GRIK4: variants seen among roughly 807,000 people sequenced by gnomAD.
GRIK4 encodes glutamate ionotropic receptor kainate type subunit 4.
Under a neutral mutation model 104.9 loss-of-function variants are expected in GRIK4, and 40 were observed. The ratio of observed to expected loss-of-function variants is 0.38; its 90% CI spans 0.30 to 0.50. The LOEUF (loss-of-function observed/expected upper bound fraction) is 0.50. Among genes scored for constraint, GRIK4 ranks in the 20% least tolerant of loss-of-function variants. GRIK4 has a pLI of 0.93. For synonymous variants in GRIK4, 485 were observed against 524.9 expected, an observed-to-expected ratio of 0.92 and a Z score of 1.04; for missense variants, 1,047 against 1,308.1, an observed-to-expected ratio of 0.80 and a Z score of 3.08.
intron 18 of GRIK4, among the ~76,000 whole-genome samples, chr11:120,965,759 G>A (rs974149344): frequency 1.3e-5 from 2 of 152,210 alleles, no homozygotes; most frequent in African/African-American, 4.8e-5. Context: ...GGGGCTTGTT[G>A]GAAATGCAGA....
chr11:120,523,816 A>G (rs1018712110), intron 1 of GRIK4, among the ~76,000 whole-genome samples: 4 of 151,480 alleles, frequency 2.6e-5, no homozygotes, highest in Non-Finnish European at 5.9e-5. Flanking sequence ...TGGGGCTGGT[A>G]GAGCAAGGTC....
At chr11:120,634,826 G>A (rs558516001) in intron 1 of GRIK4, among the ~76,000 whole-genome samples, 26 of 152,210 alleles carry the variant, frequency 1.7e-4, no homozygotes, top group Non-Finnish European at 2.9e-4. Context: ...GCCAATCTTC[G>A]TGCCCAGCTC....
chr11:120,953,083 C>T lies in GRIK4; in HGVS notation c.1700+119C>T. On this transcript the variant is annotated intron_variant, in intron 15 of 20. Coordinates refer to ENST00000527524, the MANE Select transcript of GRIK4 (RefSeq NM_014619.5). This position sits in a 1 kb window ranked among gnomAD's most constrained non-coding sequence, Gnocchi z 4.9. ...AGGAGGAGTTGGGAAGATCTTGGTG[C>T]CAAACTAGAAGGACAGGAGAAGGAC... 4.4e-6 allele frequency: 3 copies of T among 676,820 alleles called. No homozygotes were observed. The South Asian group carries it at 5.4e-5, about 12-fold the overall frequency. The allele number at this position is 676,820 out of a possible 1,614,324, so 41.9% of individuals were successfully genotyped here. A position where few individuals can be genotyped will look rare whatever the true frequency, so the allele number is the denominator to read the frequency against.
intron 9 of GRIK4, chr11:120,870,493 A>C (rs953737663): frequency 2.6e-5 from 4 of 152,226 alleles, no homozygotes; most frequent in African/African-American, 7.2e-5. Context: ...AGAGAAGGCA[A>C]CAATGAAAGA....
intron 3 of GRIK4, among the ~76,000 whole-genome samples, chr11:120,798,760 G>A (rs1591928353): frequency 6.6e-6 from 1 of 152,222 alleles, no homozygotes; most frequent in African/African-American, 2.4e-5. Context: ...GGGATTACAG[G>A]CGTGAGGCAC....
chr11:120,933,922 T>C (rs2134618107), intron 13 of GRIK4, among the ~76,000 whole-genome samples: 1 of 152,142 alleles, frequency 6.6e-6, no homozygotes, highest in South Asian at 2.1e-4. Flanking sequence ...CAAGAGGTCA[T>C]AGCCAGGCGC....
At chr11:120,615,259 C>CT (rs1488093928) in intron 1 of GRIK4, among the ~76,000 whole-genome samples, 1 of 152,216 alleles carries the variant, frequency 6.6e-6, no homozygotes, top group Non-Finnish European at 1.5e-5. Flanking sequence ...ACCATACCAT[C>CT]TTTCCTGGCT....
chr11:120,877,846 C>T (rs181723324), intron 11 of GRIK4, among the ~76,000 whole-genome samples: 111 of 152,322 alleles, frequency 7.3e-4, no homozygotes, highest in African/African-American at 1.4e-3. Context: ...CCTTAGACCT[C>T]AGTCCTGCTT....
intron 20 of GRIK4, among the ~76,000 whole-genome samples, chr11:120,983,798 CTA>C (rs1315645644): frequency 6.6e-6 from 1 of 152,334 alleles, no homozygotes; most frequent in East Asian, 1.9e-4. Context: ...CAGCCCCCTA[CTA>C]GAGATTGAGC....
chr11:120,828,355 G>T (rs901997554), intron 6 of GRIK4, among the ~76,000 whole-genome samples: 14 of 152,176 alleles, frequency 9.2e-5, no homozygotes, highest in African/African-American at 3.4e-4. Context: ...TCTTTGGTGG[G>T]TTGGATAATC....
intron 13 of GRIK4, among the ~76,000 whole-genome samples, chr11:120,909,585 T>C (rs1942947750): frequency 6.6e-6 from 1 of 152,176 alleles, no homozygotes; most frequent in Admixed American, 6.5e-5. Context: ...TGCCAGGGTA[T>C]GTATGGACAG....
At chr11:120,531,062 G>A (rs1947918664) in intron 1 of GRIK4, among the ~76,000 whole-genome samples, 1 of 152,242 alleles carries the variant, frequency 6.6e-6, no homozygotes, top group Admixed American at 6.5e-5. Context: ...GGAGCGGAAG[G>A]ATGGAGCTGT....
intron 2 of GRIK4, among the ~76,000 whole-genome samples, chr11:120,658,808 G>A (rs1212851955): frequency 2.3e-5 from 3 of 128,748 alleles, no homozygotes; most frequent in Non-Finnish European, 4.7e-5. Flanking sequence ...CAGTGCAGTG[G>A]CACGATCTCG....
intron 3 of GRIK4, among the ~76,000 whole-genome samples, chr11:120,800,042 C>T (rs138871261): frequency 0.043 from 6,437 of 150,158 alleles, 452 homozygotes; most frequent in African/African-American, 0.15. Context: ...TTAGTAGAGA[C>T]GAGGTTTCTC....
rs1328372704 is a variant in GRIK4, at chr11:120,905,991, G to T, written c.1476+498G>T. ...CTACAGTTATTTTCGTACATCTTGT[G>T]TTATCTTTGGTTAGCGTTAATGTCC... On this transcript the variant is annotated intron_variant, in intron 13 of 20. Transcript: ENST00000527524. This position sits in a 1 kb window ranked among gnomAD's most constrained non-coding sequence, Gnocchi z 5.1. Among the ~76,000 whole-genome samples the T allele has an allele frequency of 6.6e-6, 1 of 152,152 alleles. No homozygotes were observed. The highest frequency in any genetic ancestry group is 2.4e-5 in the African/African-American group (1 of 41,434).
intron 13 of GRIK4, among the ~76,000 whole-genome samples, chr11:120,934,145 CAGTGAGCCG>C: frequency 7.1e-6 from 1 of 140,388 alleles, no homozygotes; most frequent in East Asian, 2.1e-4. Flanking sequence ...GCGGAGGTTG[CAGTGAGCCG>C]AGATCACGCC....
intron 1 of GRIK4, among the ~76,000 whole-genome samples, chr11:120,530,412 C>A (rs1463610334): frequency 6.6e-6 from 1 of 151,956 alleles, no homozygotes; most frequent in South Asian, 2.1e-4. Context: ...GGGGACTTAT[C>A]CTGGGGGCAG....
chr11:120,832,530 T>C (rs1342203205), intron 7 of GRIK4, among the ~76,000 whole-genome samples: 1 of 152,204 alleles, frequency 6.6e-6, no homozygotes, highest in Admixed American at 6.5e-5. Flanking sequence ...CTCTCAGCAA[T>C]GACATGAGGT....
At chr11:120,814,230 C>T (rs182231486) in intron 4 of GRIK4, among the ~76,000 whole-genome samples, 1 of 152,222 alleles carries the variant, frequency 6.6e-6, no homozygotes, top group Admixed American at 6.5e-5. Flanking sequence ...ACAACAAACC[C>T]AAATAGATAC....
Sources: allele counts gnomAD v4.1 joint callset (sites outside exome capture counted in the v4.1 genomes callset), GRCh38; gene constraint gnomAD v4.1.1; non-coding constraint Gnocchi (gnomAD v3.1); transcripts MANE v1.5; gene names NCBI Gene and HGNC (gene_info 2026-07-23, HGNC 2026-07-21).